The following RIMS1 variants were observed in gnomAD, a reference collection of about 807,000 sequenced individuals.
The protein encoded by RIMS1 is regulating synaptic membrane exocytosis protein 1.
RIMS1 carries 83 observed loss-of-function variants against 214.1 expected under a neutral mutation model. The ratio of observed to expected loss-of-function variants is 0.39; its 90% confidence interval spans 0.32 to 0.47. RIMS1 has a LOEUF of 0.47. RIMS1 is among the 20% of genes least tolerant of loss of function. The probability of loss-of-function intolerance (pLI) is 0.99; values close to 1 mark genes in which losing one functional copy is unlikely to be tolerated. For synonymous variants in RIMS1, 793 were observed against 786.8 expected (o/e 1.01, Z -0.13); for missense variants, 2,050 against 2,161.8 (o/e 0.95, Z 1.03).
chr6:71,980,811 G>C (rs566172476), intron 2 of RIMS1, among the ~76,000 whole-genome samples: 1 of 152,078 alleles, frequency 6.6e-6, no homozygotes, highest in East Asian at 1.9e-4. Context: ...AGAAGAAACT[G>C]GTACGCCTTA....
chr6:72,001,894 A>T (rs1805382168), intron 2 of RIMS1, among the ~76,000 whole-genome samples: 1 of 152,224 alleles, frequency 6.6e-6, no homozygotes, highest in Non-Finnish European at 1.5e-5. Flanking sequence ...ATAGATAAGT[A>T]AATGAATGAA....
At chr6:72,338,162 C>T (rs948250278) in intron 29 of RIMS1, among the ~76,000 whole-genome samples, 1 of 151,716 alleles carries the variant, frequency 6.6e-6, no homozygotes, top group African/African-American at 2.4e-5. Context: ...TGAGGAATCG[C>T]CACACTGACT....
chr6:72,317,021 T>C (rs754350461), intron 28 of RIMS1: 6 of 401,794 alleles, frequency 1.5e-5, no homozygotes, highest in Non-Finnish European at 2.0e-5. Context: ...TCCATTCTTA[T>C]GGGGCTGGGA....
At chr6:72,198,558 T>A (rs890323880) in intron 6 of RIMS1, among the ~76,000 whole-genome samples, 2 of 151,846 alleles carry the variant, frequency 1.3e-5, no homozygotes, top group African/African-American at 4.8e-5. Flanking sequence ...AAACTTACAG[T>A]TAGATAGAAG....
At position 72,196,255 on chromosome 6, in the gene RIMS1, TAATA is replaced by T. The variant is rs560062562; in HGVS notation, c.1678+13111_1678+13114del. Reference sequence around the variant, plus strand: ...TTATTTATTCATGTAATAATTTATTTAATAAATATCTAAAAAGAACCTACTGCAT... The same window carrying T: ...TTATTTATTCATGTAATAATTTATTTAATATCTAAAAAGAACCTACTGCAT... On this transcript the variant is annotated intron_variant, in intron 6 of 33. Transcript: ENST00000521978. Among the ~76,000 whole-genome samples, 50 of 152,224 alleles carry T rather than the reference TAATA, an allele frequency of 3.3e-4. No individual in the cohort carries two copies. In the East Asian group the frequency reaches 9.2e-3, roughly 28 times the overall value.
At chr6:72,287,685 T>C (rs1379333837) in intron 24 of RIMS1, among the ~76,000 whole-genome samples, 1 of 151,660 alleles carries the variant, frequency 6.6e-6, no homozygotes, top group Non-Finnish European at 1.5e-5. Flanking sequence ...AGCCTCTGCC[T>C]CCTGGGTTCA....
intron 1 of RIMS1, among the ~76,000 whole-genome samples, chr6:71,889,835 G>A (rs1287240327): frequency 6.6e-6 from 1 of 152,158 alleles, no homozygotes; most frequent in Non-Finnish European, 1.5e-5. Flanking sequence ...TTACATCAGA[G>A]AAAAGTTTTT....
At chr6:71,903,742 TTAG>T (rs1005224441) in intron 1 of RIMS1, among the ~76,000 whole-genome samples, 2 of 151,304 alleles carry the variant, frequency 1.3e-5, no homozygotes, top group Non-Finnish European at 2.9e-5. Flanking sequence ...CTGATAAGGA[TTAG>T]TAGTGTGTGT....
At chr6:71,897,787 G>C (rs1772280531) in intron 1 of RIMS1, among the ~76,000 whole-genome samples, 3 of 152,036 alleles carry the variant, frequency 2.0e-5, no homozygotes. Flanking sequence ...GCATAGAATA[G>C]GTGCCCATTT....
chr6:72,375,739 C>T (rs999499426), intron 29 of RIMS1, among the ~76,000 whole-genome samples: 5 of 152,224 alleles, frequency 3.3e-5, no homozygotes, highest in Admixed American at 2.0e-4. Flanking sequence ...GGGACCCAAA[C>T]CTGGATTGGA....
chr6:72,156,066 C>G, intron 4 of RIMS1: 1 of 364,282 alleles, frequency 2.7e-6, no homozygotes, highest in South Asian at 2.0e-5. Flanking sequence ...ATGGAGTTCC[C>G]TCAGAAAATT....
At chr6:72,069,743 A>C (rs1307858562) in intron 2 of RIMS1, among the ~76,000 whole-genome samples, 1 of 152,038 alleles carries the variant, frequency 6.6e-6, no homozygotes, top group Non-Finnish European at 1.5e-5. Flanking sequence ...CAATTGTATG[A>C]TTTTCGTTTT....
At chr6:72,182,217 A>G in intron 5 of RIMS1, 67 bp from the exon 6 acceptor site, 1 of 1,457,648 alleles carries the variant, frequency 6.9e-7, no homozygotes, top group East Asian at 2.3e-5. Flanking sequence ...TGGAATGAGA[A>G]GAAAACATGT....
intron 23 of RIMS1, among the ~76,000 whole-genome samples, chr6:72,276,067 G>T (rs189809876): frequency 1.1e-3 from 169 of 152,214 alleles, no homozygotes; most frequent in African/African-American, 3.9e-3. Context: ...TTCAAAATTA[G>T]CTGGGTGTGG....
chr6:72,234,624 T>C (rs2063325026), intron 7 of RIMS1, among the ~76,000 whole-genome samples: 1 of 152,036 alleles, frequency 6.6e-6, no homozygotes, highest in African/African-American at 2.4e-5. Context: ...ATACATTCTG[T>C]GGTTTTTAAC....
intron 1 of RIMS1, among the ~76,000 whole-genome samples, chr6:71,893,405 A>G (rs938197488): frequency 2.0e-5 from 3 of 152,178 alleles, no homozygotes; most frequent in Non-Finnish European, 2.9e-5. Context: ...TGAAAGATCT[A>G]AAAGGCAATC....
At chr6:72,027,670 C>T (rs1048269196) in intron 2 of RIMS1, among the ~76,000 whole-genome samples, 7 of 152,040 alleles carry the variant, frequency 4.6e-5, no homozygotes, top group African/African-American at 1.7e-4. Flanking sequence ...TGGTCTCAGC[C>T]TCTTTCATAG....
chr6:72,263,030 A>G (rs2078764358), intron 19 of RIMS1: 2 of 826,230 alleles, frequency 2.4e-6, no homozygotes, highest in Admixed American at 6.2e-5. Flanking sequence ...CTAATAGAGT[A>G]AGGATTCAAA....
chr6:71,923,754 G>A (rs913235666), intron 1 of RIMS1, among the ~76,000 whole-genome samples: 10 of 151,864 alleles, frequency 6.6e-5, no homozygotes, highest in African/African-American at 2.2e-4. Flanking sequence ...AGTAGAGACG[G>A]GGTGTCTTCA....
Sources: gnomAD v4.1 joint callset for allele counts (sites outside exome capture counted in the v4.1 genomes callset) on GRCh38, gnomAD v4.1.1 for gene constraint, MANE v1.5 for transcripts, NCBI Gene and HGNC (gene_info 2026-07-23, HGNC 2026-07-21) for gene names.